ANKFN1: variants seen among roughly 807,000 people sequenced by gnomAD.
ANKFN1 encodes ankyrin repeat and fibronectin type-III domain-containing protein 1.
In ANKFN1, 74 loss-of-function variants were observed where a neutral mutation model predicts 108.7. The ratio of observed to expected loss-of-function variants is 0.68; its 90% confidence interval spans 0.56 to 0.83. The LOEUF (loss-of-function observed/expected upper bound fraction) is 0.83. ANKFN1 is among the 40% of genes least tolerant of loss of function. The pLI is 0.00. For synonymous variants in ANKFN1, 547 were observed against 516.2 expected (o/e 1.06, Z -0.81); for missense variants, 1,505 against 1,382.3 (o/e 1.09, Z -1.41).
At chr17:56,155,230 T>A (rs1908993195) in intron 1 of ANKFN1, among the ~76,000 whole-genome samples, 1 of 152,220 alleles carries the variant, frequency 6.6e-6, no homozygotes, top group East Asian at 1.9e-4. Flanking sequence ...TTCAGAGTCA[T>A]GAGACTTATC....
intron 1 of ANKFN1, among the ~76,000 whole-genome samples, chr17:56,211,697 G>A (rs1915024711): frequency 6.6e-6 from 1 of 152,150 alleles, no homozygotes; most frequent in African/African-American, 2.4e-5. Context: ...GCTTTTGGCA[G>A]TATGGTTATT....
rs1029895691 is a variant in ANKFN1, at chr17:56,507,556, T to A, written c.2645-2917T>A. ...CCTTCCTTCAGCTTTGCTACCCACA[T>A]GCTCTCAGTTCATCCCCTCCTTGAT... On this transcript the variant is annotated intron_variant, in intron 20 of 20. Transcript: ENST00000682825. Among the ~76,000 whole-genome samples the A allele has an allele frequency of 3.9e-5, 6 of 152,190 alleles. No individual in the cohort carries two copies. In the East Asian group the frequency reaches 1.2e-3, roughly 29 times the overall value.
chr17:56,447,437 TA>T (rs972482993), intron 10 of ANKFN1, among the ~76,000 whole-genome samples: 115 of 151,764 alleles, frequency 7.6e-4, no homozygotes, highest in African/African-American at 2.6e-3. Flanking sequence ...AAGAGAAAAA[TA>T]AAAAGCATGT....
intron 2 of ANKFN1, among the ~76,000 whole-genome samples, chr17:56,215,404 C>T (rs1234185636): frequency 1.3e-5 from 2 of 152,090 alleles, no homozygotes; most frequent in Non-Finnish European, 1.5e-5. Flanking sequence ...AAGCCCATTA[C>T]CAATAAGGTG....
intron 3 of ANKFN1, among the ~76,000 whole-genome samples, chr17:56,253,146 C>G (rs1598306103): frequency 6.6e-6 from 1 of 152,066 alleles, no homozygotes; most frequent in Admixed American, 6.6e-5. Flanking sequence ...CTTTAGTAAA[C>G]TAAATGCACT....
chr17:56,142,055 C>G (rs571070530), intron 4 of ANKFN1, among the ~76,000 whole-genome samples: 1 of 151,938 alleles, frequency 6.6e-6, no homozygotes, highest in East Asian at 1.9e-4. Flanking sequence ...CTCAGCCTCC[C>G]CAGTAGCTGG....
chr17:56,219,922 G>T (rs1397331112), intron 2 of ANKFN1, among the ~76,000 whole-genome samples: 1 of 152,204 alleles, frequency 6.6e-6, no homozygotes, highest in African/African-American at 2.4e-5. Context: ...AATCCAAAAT[G>T]ACCTTAAAAT....
intron 6 of ANKFN1, among the ~76,000 whole-genome samples, chr17:56,362,858 G>A (rs1307491989): frequency 1.3e-5 from 2 of 152,146 alleles, no homozygotes; most frequent in African/African-American, 2.4e-5. Flanking sequence ...CCAATAAGGG[G>A]TTAATGTCCA....
chr17:56,077,020 G>A (rs554654927), intron 4 of ANKFN1, among the ~76,000 whole-genome samples: 51 of 152,220 alleles, frequency 3.4e-4, no homozygotes, highest in African/African-American at 1.2e-3. Flanking sequence ...TTTTCAATAA[G>A]GAAGTAAAAC....
chr17:56,230,220 T>C (rs1384941353), intron 3 of ANKFN1, among the ~76,000 whole-genome samples: 1 of 152,042 alleles, frequency 6.6e-6, no homozygotes, highest in Non-Finnish European at 1.5e-5. Flanking sequence ...CATAGAGGAA[T>C]AAGGCTGGGC....
intron 1 of ANKFN1, among the ~76,000 whole-genome samples, chr17:56,177,957 A>G (rs1911326459): frequency 6.6e-6 from 1 of 152,206 alleles, no homozygotes; most frequent in Non-Finnish European, 1.5e-5. Flanking sequence ...GGAATGTCAC[A>G]ATGGAATTGG....
chr17:56,105,090 CA>C (rs1166587249), intron 4 of ANKFN1, among the ~76,000 whole-genome samples: 1 of 152,126 alleles, frequency 6.6e-6, no homozygotes, highest in Admixed American at 6.5e-5. Context: ...AAATATGCAG[CA>C]ACTTTGCCTG....
At chr17:56,385,446 C>A (rs1473679852) in intron 8 of ANKFN1, among the ~76,000 whole-genome samples, 1 of 152,110 alleles carries the variant, frequency 6.6e-6, no homozygotes, top group Non-Finnish European at 1.5e-5. Context: ...ACAGCAATGG[C>A]AACAAAAGTC....
At chr17:56,374,940 G>A (rs181226618) in intron 8 of ANKFN1, among the ~76,000 whole-genome samples, 29 of 152,298 alleles carry the variant, frequency 1.9e-4, no homozygotes, top group African/African-American at 6.7e-4. Flanking sequence ...GTCATTTCAA[G>A]TCCCTCAATT....
At chr17:56,492,451 T>C (rs2051071595) in intron 19 of ANKFN1, 98 bp downstream of exon 19, 1 of 627,984 alleles carries the variant, frequency 1.6e-6, no homozygotes, top group Non-Finnish European at 2.9e-6. Flanking sequence ...TCCAGGCTGA[T>C]TCAAAGAACA....
At chr17:56,093,512 A>G (rs942041163) in intron 4 of ANKFN1, among the ~76,000 whole-genome samples, 2 of 151,186 alleles carry the variant, frequency 1.3e-5, no homozygotes, top group East Asian at 1.9e-4. Context: ...AAAAAACGGC[A>G]CCCAGGAATA....
At chr17:56,376,403 GC>G (rs2046949610) in intron 8 of ANKFN1, among the ~76,000 whole-genome samples, 1 of 152,062 alleles carries the variant, frequency 6.6e-6, no homozygotes, top group South Asian at 2.1e-4. Context: ...ACCCAGGATG[GC>G]CCCCCACAGC....
At chr17:56,252,040 T>C (rs2043246771) in intron 3 of ANKFN1, among the ~76,000 whole-genome samples, 1 of 152,220 alleles carries the variant, frequency 6.6e-6, no homozygotes, top group Non-Finnish European at 1.5e-5. Flanking sequence ...TATTTATTTG[T>C]GAATTACAGA....
chr17:56,283,584 C>T (rs1394102692), intron 3 of ANKFN1, among the ~76,000 whole-genome samples: 12 of 150,708 alleles, frequency 8.0e-5, no homozygotes, highest in East Asian at 3.9e-4. Flanking sequence ...TAATGGCATT[C>T]GCAGCAACCT....
Sources: gnomAD v4.1 joint callset for allele counts (sites outside exome capture counted in the v4.1 genomes callset) on GRCh38, gnomAD v4.1.1 for gene constraint, MANE v1.5 for transcripts, NCBI Gene and HGNC (gene_info 2026-07-23, HGNC 2026-07-21) for gene names.